BMPR1B: variants seen among roughly 807,000 people sequenced by gnomAD.
The protein encoded by BMPR1B is bone morphogenetic protein receptor type 1B, also known as bone morphogenetic protein receptor type-1B.
BMPR1B carries 12 observed loss-of-function variants against 59.1 expected under a neutral mutation model. The ratio of observed to expected loss-of-function variants is 0.20; its 90% CI spans 0.13 to 0.33. The LOEUF is 0.33. BMPR1B is among the 10% of genes least tolerant of loss of function. The pLI is 1.00. For missense variants in BMPR1B, 550 were observed against 610.9 expected (o/e 0.90, Z 1.05); for synonymous variants, 237 against 207.3 (o/e 1.14, Z -1.23).
intron 2 of BMPR1B, among the ~76,000 whole-genome samples, chr4:94,992,719 G>T (rs1721828721): frequency 6.6e-6 from 1 of 152,104 alleles, no homozygotes; most frequent in Non-Finnish European, 1.5e-5. Context: ...TTTGTCAAAT[G>T]CATAATATCA....
chr4:95,103,570 G>C, intron 3 of BMPR1B: 2 of 831,608 alleles, frequency 2.4e-6, no homozygotes, highest in South Asian at 5.5e-5. Flanking sequence ...CTAAGCTCTT[G>C]ACATGAGGTT....
intron 3 of BMPR1B, among the ~76,000 whole-genome samples, chr4:95,096,070 C>G (rs550275367): frequency 6.7e-6 from 1 of 149,736 alleles, no homozygotes; most frequent in Non-Finnish European, 1.5e-5. Flanking sequence ...GCAAAAATCA[C>G]GTATATGAGT....
chr4:95,109,880 T>G (rs12642033), intron 4 of BMPR1B, among the ~76,000 whole-genome samples: 70,162 of 117,760 alleles, frequency 0.6, 20,317 homozygotes, highest in Admixed American at 0.71. Flanking sequence ...CCCACAACAG[T>G]CCCCGGTGTG....
In BMPR1B at chr4:94,773,166, G is replaced by A. The variant is rs7661398; in HGVS notation, c.-183+15098G>A. Among the ~76,000 whole-genome samples the A allele has an allele frequency of 3.4e-3, 514 of 152,180 alleles. 6 individuals carry two copies. The highest frequency in any genetic ancestry group is 0.011 in the African/African-American group (475 of 41,538). ...AAGTAGTATGTTGAAAAGAGCATAC[G>A]ATTGAGAGACAGGAAAGGTCATAAT... On this transcript the variant is annotated intron_variant, in intron 1 of 12. Coordinates refer to ENST00000515059, the MANE Select transcript of BMPR1B (RefSeq NM_001203.3).
At chr4:94,808,796 G>T (rs1001367929) in intron 1 of BMPR1B, among the ~76,000 whole-genome samples, 20 of 152,048 alleles carry the variant, frequency 1.3e-4, no homozygotes, top group African/African-American at 4.8e-4. Flanking sequence ...GTGGCTCACA[G>T]CTGTAATCCC....
Position 94,853,535 on chromosome 4 carries a change from A to G in BMPR1B, c.-182-22296A>G, listed in dbSNP as rs1725640592. Among the ~76,000 whole-genome samples the G allele has an allele frequency of 4.6e-5, 7 of 152,210 alleles. No homozygotes were observed. The South Asian group carries it at 1.4e-3, about 32-fold the overall frequency. On this transcript the variant is annotated intron_variant, in intron 1 of 12. Transcript: ENST00000515059. The stretch of plus-strand genomic sequence containing the variant: ...AGATAGTATTATCTTTAATGTAATG[A>G]ATGATACTGAATTCATAAATAAGGT...
intron 1 of BMPR1B, among the ~76,000 whole-genome samples, chr4:94,846,814 C>T (rs928187296): frequency 6.1e-5 from 9 of 148,370 alleles, no homozygotes; most frequent in African/African-American, 2.3e-4. Flanking sequence ...AGATTAAAGA[C>T]AAATCTGACA....
chr4:94,980,943 C>T (rs1035332325), intron 2 of BMPR1B, among the ~76,000 whole-genome samples: 2 of 151,840 alleles, frequency 1.3e-5, no homozygotes, highest in Non-Finnish European at 2.9e-5. Context: ...TGCAGTGAGC[C>T]GAGATTGCAT....
intron 2 of BMPR1B, among the ~76,000 whole-genome samples, chr4:94,879,777 TTC>T (rs1726884715): frequency 6.6e-6 from 1 of 152,294 alleles, no homozygotes; most frequent in South Asian, 2.1e-4. Flanking sequence ...CATGATATAT[TTC>T]TGTCATTAAA....
At chr4:94,851,721 T>TA (rs1221635541) in intron 1 of BMPR1B, among the ~76,000 whole-genome samples, 1 of 152,134 alleles carries the variant, frequency 6.6e-6, no homozygotes, top group African/African-American at 2.4e-5. Flanking sequence ...TTTATATTTA[T>TA]ATATTTATGC....
chr4:94,881,700 G>A (rs545051547), intron 2 of BMPR1B, among the ~76,000 whole-genome samples: 18 of 152,052 alleles, frequency 1.2e-4, no homozygotes, highest in South Asian at 2.1e-4. Flanking sequence ...TCCTGACCTC[G>A]GTGATTCTCC....
chr4:95,003,384 T>C (rs1255067382), intron 3 of BMPR1B, among the ~76,000 whole-genome samples: 2 of 152,206 alleles, frequency 1.3e-5, no homozygotes, highest in Non-Finnish European at 2.9e-5. Context: ...TCAGGTTGTT[T>C]TGCATTAACA....
intron 3 of BMPR1B, among the ~76,000 whole-genome samples, chr4:95,078,643 G>A (rs1728884771): frequency 6.6e-6 from 1 of 152,170 alleles, no homozygotes; most frequent in African/African-American, 2.4e-5. Context: ...GGTTACATTG[G>A]TACTAGAAAC....
intron 3 of BMPR1B, among the ~76,000 whole-genome samples, chr4:95,020,015 A>G (rs1723858171): frequency 6.6e-6 from 1 of 152,194 alleles, no homozygotes; most frequent in Non-Finnish European, 1.5e-5. Context: ...TGCACCTTAT[A>G]GTTTATTATA....
chr4:94,865,401 A>AT (rs1560522295), intron 1 of BMPR1B, among the ~76,000 whole-genome samples: 2 of 145,124 alleles, frequency 1.4e-5, no homozygotes, highest in Admixed American at 6.8e-5. Flanking sequence ...TTTTTTTTTA[A>AT]TTTTTTTGAG....
At chr4:94,789,814 C>T (rs1473078582) in intron 1 of BMPR1B, among the ~76,000 whole-genome samples, 6 of 151,814 alleles carry the variant, frequency 4.0e-5, no homozygotes, top group Non-Finnish European at 5.9e-5. Context: ...AAAAAATATA[C>T]ATTTGACCCT....
chr4:95,115,976 T>C (rs1485129048), intron 6 of BMPR1B, among the ~76,000 whole-genome samples, 189 bp downstream of exon 6: 1 of 152,192 alleles, frequency 6.6e-6, no homozygotes, highest in African/African-American at 2.4e-5. Flanking sequence ...CAGTCATATG[T>C]GACTTCACTT....
intron 11 of BMPR1B, among the ~76,000 whole-genome samples, chr4:95,150,441 C>T (rs1734956006): frequency 8.2e-6 from 1 of 122,572 alleles, no homozygotes; most frequent in South Asian, 2.6e-4. Flanking sequence ...GGGACCCAGT[C>T]TGTATTTAAA....
chr4:95,084,336 T>C (rs1729405681), intron 3 of BMPR1B, among the ~76,000 whole-genome samples: 1 of 149,996 alleles, frequency 6.7e-6, no homozygotes, highest in South Asian at 2.1e-4. Flanking sequence ...TGTATGTATA[T>C]GTATGTGTAG....
Sources: gnomAD v4.1 joint callset for allele counts (sites outside exome capture counted in the v4.1 genomes callset) on GRCh38, gnomAD v4.1.1 for gene constraint, MANE v1.5 for transcripts, NCBI Gene and HGNC (gene_info 2026-07-23, HGNC 2026-07-21) for gene names.